FBXO42: variants seen among roughly 807,000 people sequenced by gnomAD.
FBXO42 encodes the protein F-box only protein 42.
FBXO42 carries 12 observed loss-of-function variants against 71.7 expected under a neutral mutation model. That is an observed-to-expected ratio of 0.17 (90% CI 0.11 to 0.27). The LOEUF is 0.27. FBXO42 is among the 10% of genes least tolerant of loss of function. The pLI is 1.00. For synonymous variants in FBXO42, 325 were observed against 327.5 expected (o/e 0.99, Z 0.08); for missense variants, 707 against 911.9 (o/e 0.78, Z 2.89).
At chr1:16,345,645 C>A (rs1344581158) in intron 1 of FBXO42, among the ~76,000 whole-genome samples, 2 of 151,524 alleles carry the variant, frequency 1.3e-5, no homozygotes, top group Non-Finnish European at 2.9e-5. Context: ...GTCAGGAGAT[C>A]GAGACCATCC....
chr1:16,251,467 C>T lies in FBXO42; in HGVS notation c.1357G>A (p.Gly453Ser). 1 of 1,614,118 alleles carries T rather than the reference C, an allele frequency of 6.2e-7. No individual in the cohort carries two copies. Among genetic ancestry groups the T allele is most frequent in the South Asian group, 1.1e-5 (1 of 91,068 alleles). ...SLSPGTAAVG[G>S]SSLDSPVQAI... ...TGTACAGGACTGTCCAAAGAAGAGC[C>T]ACCCACAGCTGCCGTTCCTGGAGAC... Residue 453 changes from glycine (G) to serine (S), a missense_variant, in exon 10 of 10, where the codon GGC (glycine) becomes AGC (serine). By Grantham distance (56) the Gly-to-Ser change is moderately conservative. Transcript: ENST00000375592. This position sits in a 1 kb window ranked among gnomAD's most constrained non-coding sequence, Gnocchi z 4.5.
intron 4 of FBXO42, among the ~76,000 whole-genome samples, chr1:16,277,921 A>G (rs61769827): frequency 0.081 from 12,350 of 152,104 alleles, 681 homozygotes; most frequent in Non-Finnish European, 0.12. Context: ...ATATGTCTAT[A>G]GTCCCAGCTA....
intron 1 of FBXO42, among the ~76,000 whole-genome samples, chr1:16,331,484 G>C (rs2082500250): frequency 6.6e-6 from 1 of 151,702 alleles, no homozygotes; most frequent in African/African-American, 2.4e-5. Flanking sequence ...GCTTGGTGCG[G>C]TGGCTCATGC....
At chr1:16,324,104 C>T (rs940724252) in intron 1 of FBXO42, among the ~76,000 whole-genome samples, 1 of 150,664 alleles carries the variant, frequency 6.6e-6, no homozygotes, top group African/African-American at 2.4e-5. Flanking sequence ...TATGAATATA[C>T]CACGGTTATC....
At chr1:16,299,349 A>G (rs2082167274) in intron 3 of FBXO42, among the ~76,000 whole-genome samples, 1 of 152,182 alleles carries the variant, frequency 6.6e-6, no homozygotes, top group South Asian at 2.1e-4. Context: ...AACCCAGCCA[A>G]CAGCGGGGCC....
In FBXO42 at chr1:16,317,933, AAAG is replaced by A. The variant is rs569413503; in HGVS notation, c.-17-2501_-17-2499del. Reference sequence around the variant, plus strand: ...GACCATGTCTCGAAGAAAAAAAAAAAAAGAAGAAGAAGAATATATACTATACGA... The same window carrying A: ...GACCATGTCTCGAAGAAAAAAAAAAAAAGAAGAAGAATATATACTATACGA... On this transcript the variant is annotated intron_variant, in intron 1 of 9. Coordinates refer to ENST00000375592, the MANE Select transcript of FBXO42 (RefSeq NM_018994.3). Among the ~76,000 whole-genome samples the A allele has an allele frequency of 7.8e-4, 118 of 152,120 alleles. 3 individuals carry two copies. In the South Asian group the frequency reaches 9.7e-3, roughly 13 times the overall value.
rs765620616 is a variant in FBXO42 at position 16,251,439 on chromosome 1, G to C, written c.1385C>G (p.Ala462Gly). 1 of 1,614,090 alleles carries C rather than the reference G, an allele frequency of 6.2e-7. No individual in the cohort carries two copies. Among genetic ancestry groups the C allele is most frequent in the Admixed American group, 1.7e-5 (1 of 60,012 alleles). The change falls in exon 10 of 10, where the codon GCC becomes GGC. Residue 462 changes from alanine (A) to glycine (G), a missense_variant. Around this residue, in one of 5 missense-constraint regions of FBXO42, gnomAD observed 482 missense variants for 587.1 expected, o/e 0.82. Transcript: ENST00000375592. The surrounding 1 kb of genome is among the most constrained non-coding windows in gnomAD (Gnocchi z 4.5). ...AGCAGATGGAGTACTTGGAGATATG[G>C]CCTGTACAGGACTGTCCAAAGAAGA... ...GGSSLDSPVQ[A>G]ISPSTPSAPE...
chr1:16,334,224 G>A (rs996161963), intron 1 of FBXO42, among the ~76,000 whole-genome samples: 1 of 152,046 alleles, frequency 6.6e-6, no homozygotes, highest in Non-Finnish European at 1.5e-5. Context: ...ATGAGGTCAG[G>A]AGATCGAGAC....
intron 4 of FBXO42, among the ~76,000 whole-genome samples, chr1:16,286,340 C>T (rs2100513601): frequency 6.6e-6 from 1 of 152,240 alleles, no homozygotes; most frequent in South Asian, 2.1e-4. Context: ...TGCTGGGAGG[C>T]CTCAGGAAAA....
chr1:16,303,769 G>T (rs908444576), intron 3 of FBXO42, among the ~76,000 whole-genome samples: 8 of 151,644 alleles, frequency 5.3e-5, no homozygotes, highest in Non-Finnish European at 1.2e-4. Flanking sequence ...TTTTTGAGAC[G>T]GAGTCTCACT....
chr1:16,343,686 G>T (rs1460005953), intron 1 of FBXO42, among the ~76,000 whole-genome samples: 1 of 152,086 alleles, frequency 6.6e-6, no homozygotes, highest in African/African-American at 2.4e-5. Context: ...AGCCAGGCGT[G>T]GTGGTGGGTG....
chr1:16,252,714 C>T lies in FBXO42; in HGVS notation c.922-310G>A, dbSNP rs983218559. On this transcript the variant is annotated intron_variant, in intron 8 of 9. Transcript: ENST00000375592. The surrounding 1 kb of genome is among the most constrained non-coding windows in gnomAD (Gnocchi z 4.4). ...GGATTGAAGGAGAGGATAAATAATA[C>T]ATATCCACAACTTTCTGAATCTGCT... Among the ~76,000 whole-genome samples the T allele has an allele frequency of 1.3e-5, 2 of 152,188 alleles. No individual in the cohort carries two copies. The highest frequency in any genetic ancestry group is 2.9e-5 in the Non-Finnish European group (2 of 68,034).
chr1:16,304,009 T>C (rs1008937157), intron 3 of FBXO42, among the ~76,000 whole-genome samples: 3 of 152,194 alleles, frequency 2.0e-5, no homozygotes, highest in African/African-American at 7.2e-5. Context: ...TGTACCATGT[T>C]GGCTATGCTG....
chr1:16,268,732 G>A (rs1242378310), intron 4 of FBXO42, among the ~76,000 whole-genome samples: 3 of 152,114 alleles, frequency 2.0e-5, no homozygotes, highest in Admixed American at 6.5e-5. Context: ...GGGAGGTCGA[G>A]GCAGGCAGAT....
At chr1:16,350,759 A>AGAC (rs1557612383) in intron 1 of FBXO42, among the ~76,000 whole-genome samples, 2 of 132,460 alleles carry the variant, frequency 1.5e-5, no homozygotes, top group Non-Finnish European at 3.5e-5. Flanking sequence ...AAAAAAAAAA[A>AGAC]AGAAAGAAAG....
chr1:16,325,219 C>A (rs1166351652), intron 1 of FBXO42, among the ~76,000 whole-genome samples: 1 of 152,066 alleles, frequency 6.6e-6, no homozygotes, highest in Non-Finnish European at 1.5e-5. Flanking sequence ...GCTTGGGCAA[C>A]AGAGCAAGAC....
intron 3 of FBXO42, among the ~76,000 whole-genome samples, chr1:16,301,472 G>A (rs1005800449): frequency 2.0e-5 from 3 of 151,842 alleles, no homozygotes; most frequent in African/African-American, 7.3e-5. Flanking sequence ...AGACCAGACT[G>A]GGCAATAGGG....
At chr1:16,335,472 G>A (rs978152952) in intron 1 of FBXO42, among the ~76,000 whole-genome samples, 1 of 152,130 alleles carries the variant, frequency 6.6e-6, no homozygotes, top group African/African-American at 2.4e-5. Flanking sequence ...GCCACAATTA[G>A]AGAGAATTAG....
chr1:16,281,347 C>G (rs2081961326), intron 4 of FBXO42, among the ~76,000 whole-genome samples: 1 of 152,168 alleles, frequency 6.6e-6, no homozygotes, highest in Admixed American at 6.6e-5. Flanking sequence ...CATAAAGAAT[C>G]TGGGCGAACC....
Sources: gnomAD v4.1 joint callset for allele counts (sites outside exome capture counted in the v4.1 genomes callset) on GRCh38, gnomAD v4.1.1 for gene constraint, gnomAD v4.1.1 regional missense constraint, Gnocchi (gnomAD v3.1) non-coding constraint, MANE v1.5 for transcripts, NCBI Gene and HGNC (gene_info 2026-07-23, HGNC 2026-07-21) for gene names.